The following ASH1L variants were observed in gnomAD, a reference collection of about 807,000 sequenced individuals.
ASH1L encodes ASH1 like histone lysine methyltransferase.
A neutral mutation model predicts 269.0 loss-of-function variants in ASH1L; 23 were observed. The ratio of observed to expected loss-of-function variants is 0.09; its 90% CI spans 0.06 to 0.12. The LOEUF (loss-of-function observed/expected upper bound fraction) is 0.12, where lower values mean the gene tolerates loss of function less well. Ranked by LOEUF, ASH1L falls within the 10% of genes least tolerant of loss-of-function variation. The pLI, the probability that ASH1L is intolerant of heterozygous loss-of-function variation, is 1.00. For synonymous variants in ASH1L, 1,187 were observed against 1,253.5 expected, an observed-to-expected ratio of 0.95 and a Z score of 1.12; for missense variants, 2,912 against 3,567.8, an observed-to-expected ratio of 0.82 and a Z score of 4.68.
chr1:155,349,258 T>A (rs1570962095), intron 19 of ASH1L, 69 bp downstream of exon 19: 1 of 1,540,942 alleles, frequency 6.5e-7, no homozygotes, highest in Non-Finnish European at 8.8e-7. Flanking sequence ...AGGGTAAAAA[T>A]CTTAAACTTC....
intron 3 of ASH1L, among the ~76,000 whole-genome samples, chr1:155,461,055 A>T (rs1664263329): frequency 6.6e-6 from 1 of 152,318 alleles, no homozygotes; most frequent in African/African-American, 2.4e-5. Context: ...TATTGATGGG[A>T]AAAAATTACA....
rs569067721 is a variant in ASH1L at position 155,533,717 on chromosome 1, CAAAAAAA to C, written c.-99-12106_-99-12100del. Among the ~76,000 whole-genome samples, 3 of 79,706 alleles carry C rather than the reference CAAAAAAA, an allele frequency of 3.8e-5. No homozygotes were observed. In the East Asian group the frequency reaches 1.1e-3, roughly 30 times the overall value. The allele number at this position is 79,706 out of a possible 152,430, so 52.3% of individuals were successfully genotyped here. On this transcript the variant is annotated intron_variant, in intron 1 of 27. Coordinates refer to ENST00000392403, the MANE Select transcript of ASH1L (RefSeq NM_018489.3). ...TGGATGACAGAGCGAGACTCCGTCT[CAAAAAAA>C]AAAAAAAAAGAAAAGATCATCTTTA...
chr1:155,338,447 A>G, intron 26 of ASH1L, 57 bp from the exon 27 acceptor site: 2 of 1,526,612 alleles, frequency 1.3e-6, no homozygotes. Context: ...AAGGGGATGA[A>G]GGGTAGGAGG....
intron 6 of ASH1L, among the ~76,000 whole-genome samples, chr1:155,408,717 A>G (rs1230769286): frequency 6.6e-6 from 1 of 152,130 alleles, no homozygotes; most frequent in African/African-American, 2.4e-5. Flanking sequence ...ATGCTAATAG[A>G]TTATAATATA....
In ASH1L at chr1:155,342,253, T is replaced by G. The variant is rs565424700; in HGVS notation, c.8294-151A>C. 3 of 678,266 alleles carry G rather than the reference T, an allele frequency of 4.4e-6. No homozygotes were observed. In the East Asian group the frequency reaches 7.5e-5, roughly 17 times the overall value. The allele number at this position is 678,266 out of a possible 1,614,324, so 42.0% of individuals were successfully genotyped here. On this transcript the variant is annotated intron_variant, in intron 24 of 27. Coordinates refer to ENST00000392403, the MANE Select transcript of ASH1L (RefSeq NM_018489.3). Reference sequence around the variant, plus strand: ...AGAGGCAGGACAACTAAGCATTTGGTAGTTGCTGGACAAAGAGTTCTCAGA... The same window carrying G: ...AGAGGCAGGACAACTAAGCATTTGGGAGTTGCTGGACAAAGAGTTCTCAGA...
chr1:155,432,730 T>C (rs1229971822), intron 5 of ASH1L, among the ~76,000 whole-genome samples: 1 of 152,192 alleles, frequency 6.6e-6, no homozygotes, highest in Non-Finnish European at 1.5e-5. Flanking sequence ...GCTAACCTAT[T>C]CAAAAGCCTT....
At chr1:155,543,174 G>T (rs796801967) in intron 1 of ASH1L, among the ~76,000 whole-genome samples, 4 of 151,994 alleles carry the variant, frequency 2.6e-5, no homozygotes, top group African/African-American at 9.7e-5. Flanking sequence ...ACAAAATATG[G>T]ATTAGTGGCA....
At chr1:155,355,918 T>G (rs1486329284) in intron 15 of ASH1L, among the ~76,000 whole-genome samples, 2 of 151,478 alleles carry the variant, frequency 1.3e-5, no homozygotes, top group African/African-American at 4.8e-5. Context: ...GTATTCTGTT[T>G]TTTTTTTTTT....
chr1:155,388,715 C>CTTTTTT (rs142537672), intron 7 of ASH1L, among the ~76,000 whole-genome samples: 2 of 131,694 alleles, frequency 1.5e-5, no homozygotes, highest in African/African-American at 6.0e-5. Flanking sequence ...AATTGCGATT[C>CTTTTTT]TTTTTTTTTT....
chr1:155,365,043 T>C (rs1655286183), intron 12 of ASH1L, among the ~76,000 whole-genome samples: 1 of 152,186 alleles, frequency 6.6e-6, no homozygotes, highest in African/African-American at 2.4e-5. Context: ...AATTCTTTCT[T>C]GTGTTCTTTC....
intron 1 of ASH1L, among the ~76,000 whole-genome samples, chr1:155,535,166 G>A (rs1167044671): frequency 6.6e-6 from 1 of 150,628 alleles, no homozygotes; most frequent in Non-Finnish European, 1.5e-5. Context: ...TCCAGCCTGG[G>A]CAACAATAGT....
intron 1 of ASH1L, among the ~76,000 whole-genome samples, chr1:155,533,125 C>T (rs1023591653): frequency 6.6e-6 from 1 of 151,818 alleles, no homozygotes; most frequent in Admixed American, 6.6e-5. Flanking sequence ...TTTGATGGAA[C>T]ACTATTCAGC....
intron 2 of ASH1L, among the ~76,000 whole-genome samples, chr1:155,487,404 G>A (rs1013086948): frequency 6.6e-6 from 1 of 152,000 alleles, no homozygotes; most frequent in Non-Finnish European, 1.5e-5. Flanking sequence ...TTAAGACAGG[G>A]TCTCACTCTG....
In ASH1L at chr1:155,357,746, G is replaced by C. The variant is rs1399903407; in HGVS notation, c.6799C>G (p.Leu2267Val). The C allele has an allele frequency of 6.2e-7, 1 of 1,608,944 alleles. No homozygotes were observed. The highest frequency in any genetic ancestry group is 1.3e-5 in the African/African-American group (1 of 74,592). Residue 2267 changes from leucine (L) to valine (V), a missense_variant, in exon 14 of 28, where the codon CTT becomes GTT. By Grantham distance (32) the Leu-to-Val change is conservative. Coordinates refer to ENST00000392403, the MANE Select transcript of ASH1L (RefSeq NM_018489.3). ...FHSFNVEKQQ[L>V]CKCGFEKCRG... ...CATTTCTCAAAGCCACACTTACAAA[G>C]TTGCTTTGAAGGGAGAGAATAATTT...
chr1:155,337,537 A>T lies in ASH1L; in HGVS notation c.*123T>A, dbSNP rs1168900187. ...GCTTATTAAGTACCTAATGTCAACA[A>T]CATGGCCCCATTCCCCTTGCCCAGA... is the stretch of plus-strand genomic sequence containing the variant. On this transcript the variant is annotated 3_prime_UTR_variant, in exon 28 of 28. Transcript: ENST00000392403. The T allele has an allele frequency of 1.3e-6, 1 of 760,998 alleles. No individual in the cohort carries two copies. Among genetic ancestry groups the T allele is most frequent in the African/African-American group, 1.7e-5 (1 of 57,912 alleles). The allele number at this position is 760,998 out of a possible 1,614,324, so 47.1% of individuals were successfully genotyped here.
At chr1:155,383,760 AGG>A (rs1657177665) in intron 7 of ASH1L, among the ~76,000 whole-genome samples, 1 of 152,196 alleles carries the variant, frequency 6.6e-6, no homozygotes, top group Non-Finnish European at 1.5e-5. Flanking sequence ...TGATTACCAG[AGG>A]CTGAGGGGAA....
At chr1:155,393,847 C>T (rs1175714333) in intron 7 of ASH1L, among the ~76,000 whole-genome samples, 1 of 152,106 alleles carries the variant, frequency 6.6e-6, no homozygotes, top group Non-Finnish European at 1.5e-5. Context: ...CCACCGCACC[C>T]AGCCTTCTCC....
At chr1:155,440,301 C>T (rs1662452541) in intron 4 of ASH1L, among the ~76,000 whole-genome samples, 1 of 152,084 alleles carries the variant, frequency 6.6e-6, no homozygotes, top group South Asian at 2.1e-4. Flanking sequence ...GAGCAAGACC[C>T]TGTCTCTAGA....
Position 155,527,989 on chromosome 1 carries a change from C to T in ASH1L, c.-99-6371G>A, listed in dbSNP as rs1669390342. Among the ~76,000 whole-genome samples the T allele has an allele frequency of 2.6e-5, 4 of 152,092 alleles. No homozygotes were observed. The South Asian group carries it at 8.3e-4, about 32-fold the overall frequency. On this transcript the variant is annotated intron_variant, in intron 1 of 27. Coordinates refer to ENST00000392403, the MANE Select transcript of ASH1L (RefSeq NM_018489.3). ...TTCCTTTTTCTATCTACACTCAGTT[C>T]CCAAATGACCAGATCCAGTCTTACG...
Sources: allele counts gnomAD v4.1 joint callset (sites outside exome capture counted in the v4.1 genomes callset), GRCh38; gene constraint gnomAD v4.1.1; transcripts MANE v1.5; gene names NCBI Gene and HGNC (gene_info 2026-07-23, HGNC 2026-07-21).